The following WNT9B variants were observed in gnomAD, a reference collection of about 807,000 sequenced individuals.
The protein encoded by WNT9B is protein Wnt-9b.
A neutral mutation model predicts 30.2 loss-of-function variants in WNT9B; 12 were observed. The observed-to-expected ratio is 0.40, with a 90% CI of 0.26 to 0.64. The LOEUF is 0.64. Among genes scored for constraint, WNT9B ranks in the 30% least tolerant of loss-of-function variants. WNT9B has a pLI of 0.42. For synonymous variants in WNT9B, 218 were observed against 216.9 expected (o/e 1.01, Z -0.05); for missense variants, 442 against 485.2 (o/e 0.91, Z 0.84).
intron 3 of WNT9B, among the ~76,000 whole-genome samples, chr17:46,875,870 G>T (rs546023290): frequency 6.6e-6 from 1 of 152,312 alleles, no homozygotes; most frequent in South Asian, 2.1e-4. Context: ...GAGGGGAGGA[G>T]GCTGGGAGAC....
chr17:46,863,378 C>A (rs951496468), intron 1 of WNT9B, among the ~76,000 whole-genome samples: 6 of 152,236 alleles, frequency 3.9e-5, no homozygotes, highest in Non-Finnish European at 7.3e-5. Flanking sequence ...GAGCACGCAT[C>A]TGGACTGGGA....
intron 1 of WNT9B, among the ~76,000 whole-genome samples, chr17:46,858,842 T>TA: frequency 6.6e-6 from 1 of 152,242 alleles, no homozygotes; most frequent in Admixed American, 6.5e-5. Context: ...AATTTTTTAT[T>TA]TTTTTGTAGA....
rs142366260 is a variant in WNT9B at position 46,868,317 on chromosome 17, C to A, written c.78-4200C>A. ...ATTAAGACCCCCATATTTGGCTGGGCGTGGTGGCTCATGCCTGTAATCCCA... is the reference window on the plus strand; with the variant it reads ...ATTAAGACCCCCATATTTGGCTGGGAGTGGTGGCTCATGCCTGTAATCCCA... On this transcript the variant is annotated intron_variant, in intron 1 of 3. Coordinates refer to ENST00000290015, the MANE Select transcript of WNT9B (RefSeq NM_003396.3). Among the ~76,000 whole-genome samples, 22 of 152,312 alleles carry A rather than the reference C, an allele frequency of 1.4e-4. No homozygotes were observed. In the East Asian group the frequency reaches 4.1e-3, roughly 28 times the overall value.
chr17:46,861,028 A>G (rs1056398214), intron 1 of WNT9B, among the ~76,000 whole-genome samples: 9 of 152,086 alleles, frequency 5.9e-5, no homozygotes, highest in African/African-American at 2.2e-4. Context: ...CTGGCCAGTT[A>G]TCCTCATTTA....
At chr17:46,862,035 C>T (rs374655444) in intron 1 of WNT9B, among the ~76,000 whole-genome samples, 23 of 151,752 alleles carry the variant, frequency 1.5e-4, no homozygotes, top group Middle Eastern at 6.8e-3. Flanking sequence ...TGGTGACAGC[C>T]GCTTGTAATC....
chr17:46,845,177 A>G (rs377683830), intron 1 of WNT9B, among the ~76,000 whole-genome samples: 1 of 152,140 alleles, frequency 6.6e-6, no homozygotes, highest in African/African-American at 2.4e-5. Context: ...AGCAGTATCC[A>G]TAGCTATGTC....
At chr17:46,871,854 A>G (rs2146598192) in intron 1 of WNT9B, among the ~76,000 whole-genome samples, 1 of 152,164 alleles carries the variant, frequency 6.6e-6, no homozygotes, top group South Asian at 2.1e-4. Context: ...CTTTCCTTCC[A>G]TCCCCTTCTC....
chr17:46,849,532 C>T (rs1355545687), upstream of WNT9B, among the ~76,000 whole-genome samples: 1 of 152,210 alleles, frequency 6.6e-6, no homozygotes, highest in East Asian at 1.9e-4. Flanking sequence ...TGGTCCAGCT[C>T]AGGCCCCTCA....
chr17:46,883,554 G>A (rs2085452339), downstream of WNT9B, among the ~76,000 whole-genome samples: 1 of 152,184 alleles, frequency 6.6e-6, no homozygotes, highest in Non-Finnish European at 1.5e-5. Flanking sequence ...CAAAGTGCTG[G>A]GATTACAGGC....
downstream of WNT9B, among the ~76,000 whole-genome samples, chr17:46,883,632 C>T (rs2085453456): frequency 6.6e-6 from 1 of 152,146 alleles, no homozygotes; most frequent in Admixed American, 6.5e-5. Flanking sequence ...AGAGAGGTTC[C>T]CTTGCTACAC....
At chr17:46,849,561 C>G (rs151151820), upstream of WNT9B, among the ~76,000 whole-genome samples, 152 of 152,314 alleles carry the variant, frequency 1.0e-3, no homozygotes, top group African/African-American at 3.6e-3. Flanking sequence ...CTTCTGTGAT[C>G]GTGGTTCAAA....
chr17:46,870,904 C>CTTTTTTTTTTTT (rs144277402), intron 1 of WNT9B, among the ~76,000 whole-genome samples: 42 of 78,384 alleles, frequency 5.4e-4, no homozygotes, highest in African/African-American at 2.1e-3. Context: ...TCCACCTTTG[C>CTTTTTTTTTTTT]TTTTTTTTTT....
intron 1 of WNT9B, among the ~76,000 whole-genome samples, chr17:46,865,485 A>T (rs1477620521): frequency 6.6e-6 from 1 of 152,110 alleles, no homozygotes; most frequent in African/African-American, 2.4e-5. Context: ...GGGTGGGTTC[A>T]TGGGGATGGA....
chr17:46,881,308 C>T (rs888542943), downstream of WNT9B, among the ~76,000 whole-genome samples: 2 of 152,268 alleles, frequency 1.3e-5, no homozygotes, highest in African/African-American at 4.8e-5. Context: ...CTAACATGCT[C>T]CTTCTACCCA....
rs527700240 is a variant in WNT9B at position 46,835,125 on chromosome 17, G to A, written c.95+1685G>A. 4.6e-5 allele frequency among the ~76,000 whole-genome samples: 7 copies of A among 152,296 alleles called. No individual in the cohort carries two copies. The East Asian group carries it at 1.4e-3, about 29-fold the overall frequency. On this transcript the variant is annotated intron_variant, in intron 1 of 2. Transcript: ENST00000575372. ...TCCTCCCACCTCAGCCTCCTGAGTA[G>A]CTGGCACTACAGGAACACACCACCA...
At chr17:46,834,206 A>C (rs2084594642) in intron 1 of WNT9B, among the ~76,000 whole-genome samples, 2 of 152,172 alleles carry the variant, frequency 1.3e-5, no homozygotes, top group Non-Finnish European at 2.9e-5. Context: ...AAAAATAAAA[A>C]AAGAAAATGT....
At chr17:46,864,057 G>T (rs1421561154) in intron 1 of WNT9B, among the ~76,000 whole-genome samples, 2 of 152,198 alleles carry the variant, frequency 1.3e-5, no homozygotes, top group African/African-American at 2.4e-5. Context: ...AGGGGGTCAC[G>T]CACAAGGCAT....
intron 1 of WNT9B, among the ~76,000 whole-genome samples, chr17:46,836,064 C>A (rs1568111710): frequency 1.4e-5 from 2 of 143,506 alleles, no homozygotes; most frequent in African/African-American, 5.4e-5. Context: ...CCTGCTGGGG[C>A]TCCCAGGAAC....
chr17:46,841,102 G>A (rs371423351), intron 1 of WNT9B, among the ~76,000 whole-genome samples: 35 of 152,314 alleles, frequency 2.3e-4, no homozygotes, highest in African/African-American at 6.7e-4. Flanking sequence ...AGGAAAGAGG[G>A]TGCCGACAGA....
Sources: allele counts gnomAD v4.1 joint callset (sites outside exome capture counted in the v4.1 genomes callset), GRCh38; gene constraint gnomAD v4.1.1; transcripts MANE v1.5; gene names NCBI Gene and HGNC (gene_info 2026-07-23, HGNC 2026-07-21).